NFIB: variants seen among roughly 807,000 people sequenced by gnomAD.
NFIB encodes the protein nuclear factor I B, also known as nuclear factor 1 B-type.
In NFIB, 11 loss-of-function variants were observed where a neutral mutation model predicts 61.5. The ratio of observed to expected loss-of-function variants is 0.18; its 90% CI spans 0.11 to 0.30. NFIB has a LOEUF of 0.30. Ranked by LOEUF, NFIB falls within the 10% of genes least tolerant of loss-of-function variation. The pLI, the probability that NFIB is intolerant of heterozygous loss-of-function variation, is 1.00. For synonymous variants in NFIB, 260 were observed against 216.5 expected (o/e 1.20, Z -1.76); for missense variants, 471 against 608.9 (o/e 0.77, Z 2.38).
At chr9:14,515,214 C>A in the NFIB span, among the ~76,000 whole-genome samples, 1 of 151,902 alleles carries the variant, frequency 6.6e-6, no homozygotes, top group Admixed American at 6.6e-5. Context: ...AAGGTAGGGA[C>A]ATTGGGGCAT....
chr9:14,469,184 C>T, the NFIB span, among the ~76,000 whole-genome samples: 2 of 152,188 alleles, frequency 1.3e-5, no homozygotes, highest in South Asian at 2.1e-4. Context: ...ATTGGGGGAC[C>T]GAACTGTGCA....
In NFIB at chr9:14,314,106, C is replaced by A; in HGVS notation, c.-595G>T. On this transcript the variant is annotated 5_prime_UTR_variant, in exon 1 of 11. Transcript: ENST00000380953. ...CAGGCGAAACTTTGCCGCGAGCCGACCATGTGTGTGCGCGAGGGGCAGCGT... is the reference window on the plus strand; with the variant it reads ...CAGGCGAAACTTTGCCGCGAGCCGAACATGTGTGTGCGCGAGGGGCAGCGT... 3.9e-6 allele frequency: 4 copies of A among 1,028,508 alleles called. No individual in the cohort carries two copies. The highest frequency in any genetic ancestry group is 4.6e-5 in the South Asian group (1 of 21,506). 63.7% of individuals were successfully genotyped at this position (1,028,508 alleles called of 1,614,324 possible).
intron 2 of NFIB, among the ~76,000 whole-genome samples, chr9:14,264,638 T>C (rs558624948): frequency 5.9e-5 from 9 of 151,868 alleles, no homozygotes; most frequent in African/African-American, 1.9e-4. Flanking sequence ...ATCTGCTATA[T>C]GTCCCCTACA....
At chr9:14,477,465 T>G in the NFIB span, among the ~76,000 whole-genome samples, 1 of 152,148 alleles carries the variant, frequency 6.6e-6, no homozygotes, top group Non-Finnish European at 1.5e-5. Context: ...CTAAAAGGAT[T>G]TTTTTGAAAT....
At chr9:14,225,716 C>G (rs931572889) in intron 2 of NFIB, among the ~76,000 whole-genome samples, 1 of 152,038 alleles carries the variant, frequency 6.6e-6, no homozygotes, top group Non-Finnish European at 1.5e-5. Flanking sequence ...GGAGATTTGA[C>G]TCTATCAGAG....
intron 2 of NFIB, among the ~76,000 whole-genome samples, chr9:14,227,511 A>G (rs1454112269): frequency 6.6e-6 from 1 of 152,230 alleles, no homozygotes; most frequent in East Asian, 1.9e-4. Flanking sequence ...AGAAAGGCAC[A>G]CCTACTTTGG....
At chr9:14,240,060 C>A (rs2054190829) in intron 2 of NFIB, among the ~76,000 whole-genome samples, 1 of 152,116 alleles carries the variant, frequency 6.6e-6, no homozygotes, top group Non-Finnish European at 1.5e-5. Context: ...GTCCATTACT[C>A]TTGACTATAT....
At chr9:14,321,507 C>A (rs867327898) in intron 1 of NFIB, among the ~76,000 whole-genome samples, 3 of 152,222 alleles carry the variant, frequency 2.0e-5, no homozygotes, top group Non-Finnish European at 4.4e-5. Flanking sequence ...ATGAGAATAT[C>A]TGTGAATTAA....
chr9:14,324,596 A>C (rs371154243), intron 1 of NFIB, among the ~76,000 whole-genome samples: 1 of 152,098 alleles, frequency 6.6e-6, no homozygotes, highest in African/African-American at 2.4e-5. Flanking sequence ...AAATAGGAAA[A>C]GGAATAGGGA....
chr9:14,313,823 G>A lies in NFIB; in HGVS notation c.-312C>T. The A allele has an allele frequency of 7.7e-7, 1 of 1,297,468 alleles. No individual in the cohort carries two copies. The highest frequency in any genetic ancestry group is 3.0e-4 in the Middle Eastern group (1 of 3,362). 80.4% of individuals were successfully genotyped at this position (1,297,468 alleles called of 1,614,324 possible). ...CCGGTGTTGGCTGCTTTTCGCCTGG[G>A]TTTGGGGATTTGTTTTCTATTTTGC... is the stretch of plus-strand genomic sequence containing the variant. On this transcript the variant is annotated 5_prime_UTR_variant, in exon 1 of 11. Transcript: ENST00000380953. The surrounding 1 kb of genome is among the most constrained non-coding windows in gnomAD (Gnocchi z 4.5).
At chr9:14,292,865 T>C (rs2059191759) in intron 2 of NFIB, among the ~76,000 whole-genome samples, 1 of 152,194 alleles carries the variant, frequency 6.6e-6, no homozygotes, top group Non-Finnish European at 1.5e-5. Context: ...GTACATTAAG[T>C]AAAATTATGT....
At chr9:14,430,714 T>C in the NFIB span, among the ~76,000 whole-genome samples, 1 of 152,150 alleles carries the variant, frequency 6.6e-6, no homozygotes, top group Non-Finnish European at 1.5e-5. Context: ...CCCAAGTAGC[T>C]GGGATGACAG....
At chr9:14,399,656 G>T (rs756729764), upstream of NFIB, among the ~76,000 whole-genome samples, 1 of 152,114 alleles carries the variant, frequency 6.6e-6, no homozygotes, top group Non-Finnish European at 1.5e-5. Flanking sequence ...ATTCTTGAAA[G>T]CCAGAAGTCA....
intron 2 of NFIB, chr9:14,306,161 G>A: frequency 1.2e-5 from 4 of 330,216 alleles, no homozygotes; most frequent in Non-Finnish European, 2.2e-5. Context: ...TAATAGGTAT[G>A]GTATGCAGTT....
chr9:14,249,460 C>A (rs2055324261), intron 2 of NFIB, among the ~76,000 whole-genome samples: 1 of 152,190 alleles, frequency 6.6e-6, no homozygotes, highest in Non-Finnish European at 1.5e-5. Flanking sequence ...TGATTCACCA[C>A]AATTGTTCAT....
At chr9:14,123,411 A>G (rs966108200) in intron 7 of NFIB, among the ~76,000 whole-genome samples, 5 of 152,200 alleles carry the variant, frequency 3.3e-5, no homozygotes, top group African/African-American at 1.2e-4. Flanking sequence ...TGCTCCTTCC[A>G]AAACATCCTT....
At chr9:14,108,076 T>C (rs1383145593) in intron 10 of NFIB, among the ~76,000 whole-genome samples, 1 of 152,130 alleles carries the variant, frequency 6.6e-6, no homozygotes, top group African/African-American at 2.4e-5. Context: ...TGCATAGCCA[T>C]TATTTCGACT....
chr9:14,176,852 G>T (rs2046240427), intron 3 of NFIB, among the ~76,000 whole-genome samples: 1 of 152,252 alleles, frequency 6.6e-6, no homozygotes, highest in South Asian at 2.1e-4. Context: ...CTTATAGGAT[G>T]ATCGGATGGG....
chr9:14,494,726 C>A, the NFIB span, among the ~76,000 whole-genome samples: 1 of 152,200 alleles, frequency 6.6e-6, no homozygotes, highest in Non-Finnish European at 1.5e-5. Flanking sequence ...TGGGCTCTTT[C>A]TTCTAGGCAT....
Sources: allele counts gnomAD v4.1 joint callset (sites outside exome capture counted in the v4.1 genomes callset), GRCh38; gene constraint gnomAD v4.1.1; non-coding constraint Gnocchi (gnomAD v3.1); transcripts MANE v1.5; gene names NCBI Gene and HGNC (gene_info 2026-07-23, HGNC 2026-07-21).